PEX6: variants seen among roughly 807,000 people sequenced by gnomAD.
PEX6 encodes peroxisomal biogenesis factor 6.
In PEX6, 55 loss-of-function variants were observed where a neutral mutation model predicts 85.6. The ratio of observed to expected loss-of-function variants is 0.64; its 90% CI spans 0.52 to 0.80. The LOEUF (loss-of-function observed/expected upper bound fraction) is 0.80. Among genes scored for constraint, PEX6 ranks in the 30% least tolerant of loss-of-function variants. PEX6 has a pLI of 0.00. For synonymous variants in PEX6, 519 were observed against 549.1 expected (o/e 0.95, Z 0.77); for missense variants, 1,099 against 1,260.3 (o/e 0.87, Z 1.94).
intron 5 of PEX6, among the ~76,000 whole-genome samples, chr6:42,969,275 T>G (rs1769969117): frequency 6.6e-6 from 1 of 151,998 alleles, no homozygotes; most frequent in Admixed American, 6.5e-5. Flanking sequence ...TGAATGGTAT[T>G]GAGAGACATT....
rs1408987779 is a variant in PEX6, at chr6:42,964,709, C to T, written c.2806+81G>A. ...GGCTCAAGCGATCCTCCCACCTCAG[C>T]CTCTCAAGTAGCTGGGACTCAGGTG... On this transcript the variant is annotated intron_variant, in intron 16 of 16. Coordinates refer to ENST00000304611, the MANE Select transcript of PEX6 (RefSeq NM_000287.4). The surrounding 1 kb of genome is among the most constrained non-coding windows in gnomAD (Gnocchi z 4.6). 6.4e-7 allele frequency: 1 copy of T among 1,568,392 alleles called. No individual in the cohort carries two copies. Among genetic ancestry groups the T allele is most frequent in the Non-Finnish European group, 8.8e-7 (1 of 1,140,094 alleles).
chr6:42,968,949 T>C lies in PEX6; in HGVS notation c.1404A>G (p.Leu468=), dbSNP rs1486160310. The part of the protein sequence containing the change: ...ALLTGTSSVL[L]RGPPGCGKTT... ...TCTTCCCACAGCCTGGGGGGCCCCG[T>C]AGAAGGACACTGCTAGTTCCTGTCA... The change falls in exon 6 of 17, where the codon CTA becomes CTG. Residue 468 remains leucine (L), a synonymous_variant. Transcript: ENST00000304611. 1.2e-6 allele frequency: 2 copies of C among 1,613,838 alleles called. No individual in the cohort carries two copies. Among genetic ancestry groups the C allele is most frequent in the East Asian group, 2.2e-5 (1 of 44,878 alleles).
At chr6:42,974,174 T>TCAAGAAGTAGTCTGC in intron 2 of PEX6, 88 bp from the exon 3 acceptor site, 1 of 1,004,336 alleles carries the variant, frequency 1.0e-6, no homozygotes, top group Non-Finnish European at 1.6e-6. Context: ...ACATGCAGAC[T>TCAAGAAGTAGTCTGC]ACTTCTTGAG....
rs977542433 is a variant in PEX6, at chr6:42,974,894, G to A, written c.1027C>T (p.Arg343Trp). The change falls in exon 2 of 17, where the codon CGG (arginine) becomes TGG (tryptophan). Residue 343 changes from arginine (R) to tryptophan (W), a missense_variant. Arg to Trp is a moderately radical substitution (Grantham distance 101, BLOSUM62 -3). This residue lies in a region of PEX6 where 579 missense variants were observed against 611.6 expected (regional missense o/e 0.95). Coordinates refer to ENST00000304611, the MANE Select transcript of PEX6 (RefSeq NM_000287.4). ...TNGNYDGVLY[R>W]HFQIPRVVQE... Reference sequence around the variant, plus strand: ...GCTAACCTGGGTATCTGAAAGTGCCGGTAAAGAACACCGTCATAATTTCCA... The same window carrying A: ...GCTAACCTGGGTATCTGAAAGTGCCAGTAAAGAACACCGTCATAATTTCCA... 1.1e-5 allele frequency: 17 copies of A among 1,613,980 alleles called. No homozygotes were observed. Among genetic ancestry groups the A allele is most frequent in the East Asian group, 4.5e-5 (2 of 44,884 alleles).
chr6:42,966,646 C>G lies in PEX6; in HGVS notation c.1973G>C (p.Gly658Ala). 6.2e-7 allele frequency: 1 copy of G among 1,614,164 alleles called. No homozygotes were observed. Among genetic ancestry groups the G allele is most frequent in the African/African-American group, 1.3e-5 (1 of 75,028 alleles). The change falls in exon 10 of 17, where the codon GGC becomes GCC. Residue 658 changes from glycine (G) to alanine (A), a missense_variant. Gly to Ala is a moderately conservative substitution (Grantham distance 60, BLOSUM62 0). Coordinates refer to ENST00000304611, the MANE Select transcript of PEX6 (RefSeq NM_000287.4). ...CTCCCCCTCATCCTCCTCAGTCAAG[C>G]CACCTGCCAAACTGCAAAGAGGAAC... Reference protein sequence around the residue: ...TRIKNSGLAGGLTEEDEGELC... With the variant: ...TRIKNSGLAGALTEEDEGELC...
rs761325258 is a variant in PEX6, at chr6:42,970,006, A to G, written c.1131-19T>C. On this transcript the variant is annotated intron_variant, in intron 3 of 16. Transcript: ENST00000304611. ...CCGCCACCTGCAGGAAAAAGGCCCA[A>G]TGAACCCCAGATCCAGAGTCCAAAA... 2 of 1,602,162 alleles carry G rather than the reference A, an allele frequency of 1.2e-6. No individual in the cohort carries two copies. Among genetic ancestry groups the G allele is most frequent in the East Asian group, 4.5e-5 (2 of 44,822 alleles).
Position 42,969,992 on chromosome 6 carries a change from A to G in PEX6, c.1131-5T>C, listed in dbSNP as rs1271189797. Reference sequence around the variant, plus strand: ...TTAAAAAACATTTCCCGCCACCTGCAGGAAAAAGGCCCAATGAACCCCAGA... The same window carrying G: ...TTAAAAAACATTTCCCGCCACCTGCGGGAAAAAGGCCCAATGAACCCCAGA... On this transcript the variant is annotated splice_region_variant and splice_polypyrimidine_tract_variant and intron_variant, in intron 3 of 16. Coordinates refer to ENST00000304611, the MANE Select transcript of PEX6 (RefSeq NM_000287.4). The G allele has an allele frequency of 1.2e-6, 2 of 1,612,920 alleles. No individual in the cohort carries two copies.
At chr6:42,976,559 C>T (rs1030293806) in intron 1 of PEX6, among the ~76,000 whole-genome samples, 1 of 152,022 alleles carries the variant, frequency 6.6e-6, no homozygotes, top group Non-Finnish European at 1.5e-5. Flanking sequence ...GATGAGGTTT[C>T]ACCATGTAGG....
chr6:42,977,231 C>T (rs1354102819), intron 1 of PEX6, among the ~76,000 whole-genome samples: 1 of 148,090 alleles, frequency 6.8e-6, no homozygotes, highest in Non-Finnish European at 1.5e-5. Context: ...AGTAGATTAA[C>T]ATACACATCT....
Position 42,971,961 on chromosome 6 carries a change from T to C in PEX6, c.1131-1974A>G, listed in dbSNP as rs915259311. ...GTGACTGCTAAGTGCCAGCCTGGCA[T>C]TTTCCACCAGACTCGTGGACTTAAT... On this transcript the variant is annotated intron_variant, in intron 3 of 16. Coordinates refer to ENST00000304611, the MANE Select transcript of PEX6 (RefSeq NM_000287.4). This position sits in a 1 kb window ranked among gnomAD's most constrained non-coding sequence, Gnocchi z 4.4. Among the ~76,000 whole-genome samples the C allele has an allele frequency of 3.3e-5, 5 of 152,188 alleles. No individual in the cohort carries two copies. The highest frequency in any genetic ancestry group is 1.2e-4 in the African/African-American group (5 of 41,448).
At chr6:42,970,032 A>G in intron 3 of PEX6, 45 bp from the exon 4 acceptor site, 2 of 1,469,836 alleles carry the variant, frequency 1.4e-6, no homozygotes, top group Non-Finnish European at 1.9e-6. Flanking sequence ...GAGTCCAAAA[A>G]CCCCCCTCCT....
chr6:42,967,499 T>C lies in PEX6; in HGVS notation c.1753A>G (p.Thr585Ala). 1.2e-6 allele frequency: 2 copies of C among 1,610,124 alleles called. No homozygotes were observed. Among genetic ancestry groups the C allele is most frequent in the Non-Finnish European group, 1.7e-6 (2 of 1,178,560 alleles). ...ACCTCGAGCTCATGAGGAAATGCTG[T>C]CTGCACATCAGCAGGCAGGTCCTGG... ...RAQDLPADVQ[T>A]AFPHELEVPA... The change falls in exon 8 of 17, where the codon ACA (threonine) becomes GCA (alanine). Residue 585 changes from threonine to alanine, a missense_variant. By Grantham distance (58) the Thr-to-Ala change is moderately conservative. This residue lies in a region of PEX6 where 514 missense variants were observed against 627.0 expected (regional missense o/e 0.82). Transcript: ENST00000304611.
chr6:42,965,132 A>G lies in PEX6; in HGVS notation c.2609T>C (p.Val870Ala). The G allele has an allele frequency of 6.2e-7, 1 of 1,614,184 alleles. No homozygotes were observed. The highest frequency in any genetic ancestry group is 8.5e-7 in the Non-Finnish European group (1 of 1,180,034). ...RPGRFDKLVFVGANEDRASQL... is the reference protein window; with the variant it reads ...RPGRFDKLVFAGANEDRASQL... The stretch of plus-strand genomic sequence containing the variant: ...GGAGGCCCGGTCCTCATTTGCCCCC[A>G]CAAACACCAGCTTGTCAAATCTTTA... Residue 870 changes from valine (V) to alanine (A), a missense_variant, in exon 15 of 17, where the codon GTG becomes GCG. Physicochemically the swap from Val to Ala is moderately conservative, Grantham distance 64 (BLOSUM62 0). Transcript: ENST00000304611. This position sits in a 1 kb window ranked among gnomAD's most constrained non-coding sequence, Gnocchi z 5.0.
chr6:42,966,960 G>GTTTT, intron 8 of PEX6, 102 bp from the exon 9 acceptor site: 2 of 706,092 alleles, frequency 2.8e-6, no homozygotes, highest in Non-Finnish European at 4.8e-6. Context: ...GATGCCTTAG[G>GTTTT]TTTGTTGTTT....
intron 8 of PEX6, 111 bp from the exon 9 acceptor site, chr6:42,966,969 T>TTG (rs2114241423): frequency 1.4e-5 from 2 of 142,852 alleles, no homozygotes; most frequent in Non-Finnish European, 1.4e-5. Flanking sequence ...GGTTTGTTGT[T>TTG]TTTTTTTTTT....
chr6:42,974,082 C>A lies in PEX6; in HGVS notation c.1051G>T (p.Val351Phe), dbSNP rs1770168066. The A allele has an allele frequency of 6.2e-7, 1 of 1,613,416 alleles. No individual in the cohort carries two copies. Among genetic ancestry groups the A allele is most frequent in the South Asian group, 1.1e-5 (1 of 91,070 alleles). ...LYRHFQIPRV[V>F]QEGDVLCVPT... ...ACACATAGAACATCCCCTTCCTGGA[C>A]TACCCTGCAACACAGCAGTGGCCCT... Residue 351 changes from valine (V) to phenylalanine (F), a missense_variant, in exon 3 of 17, where the codon GTC (valine) becomes TTC (phenylalanine). Physicochemically the swap from Val to Phe is conservative, Grantham distance 50. Coordinates refer to ENST00000304611, the MANE Select transcript of PEX6 (RefSeq NM_000287.4).
Position 42,965,254 on chromosome 6 carries a change from G to A in PEX6, c.2586C>T (p.Gly862=). 6.2e-7 allele frequency: 1 copy of A among 1,613,268 alleles called. No homozygotes were observed. Among genetic ancestry groups the A allele is most frequent in the Non-Finnish European group, 8.5e-7 (1 of 1,179,176 alleles). ...DLLDPALLRP[G]RFDKLVFVGA... ...GATGAGCAGTACAAGGGGCCCACCT[G>A]CCAGGCCGCAGAAGGGCAGGGTCCA... Residue 862 remains glycine, a splice_region_variant and synonymous_variant, in exon 14 of 17, where the codon GGC becomes GGT. Coordinates refer to ENST00000304611, the MANE Select transcript of PEX6 (RefSeq NM_000287.4). The surrounding 1 kb of genome is among the most constrained non-coding windows in gnomAD (Gnocchi z 5.0).
Position 42,966,578 on chromosome 6 carries a change from GC to G in PEX6, c.2040del (p.Gln681ArgfsTer33). On this transcript the variant is annotated frameshift_variant, in exon 10 of 17. Transcript: ENST00000304611. LOFTEE classifies it high-confidence loss of function. Reference sequence around the variant, plus strand: ...GCTGTCTGCAGTTGCTCCAGTGCCTGCCCAAAGTCCTCAGCCAGGAGAGGAA... The same window carrying G: ...GCTGTCTGCAGTTGCTCCAGTGCCTGCCAAAGTCCTCAGCCAGGAGAGGAA... ...AGFPLLAEDF[G>X]QALEQLQTAH... The G allele has an allele frequency of 1.2e-6, 2 of 1,614,164 alleles. No homozygotes were observed. The highest frequency in any genetic ancestry group is 1.7e-6 in the Non-Finnish European group (2 of 1,180,020).
At position 42,964,122 on chromosome 6, in the gene PEX6, C is replaced by T. The variant is rs1439247572; in HGVS notation, c.*213G>A. The T allele has an allele frequency of 1.8e-5, 11 of 610,850 alleles. No individual in the cohort carries two copies. Among genetic ancestry groups the T allele is most frequent in the Non-Finnish European group, 2.9e-5 (10 of 346,216 alleles). The allele number at this position is 610,850 out of a possible 1,614,324, so 37.8% of individuals were successfully genotyped here. A position where few individuals can be genotyped will look rare whatever the true frequency, so the allele number is the denominator to read the frequency against. ...AGTAGATGGGCCTTTCTCTTAGAGC[C>T]GGCCTGGAAGGAGGGGCAAGTAGGC... On this transcript the variant is annotated 3_prime_UTR_variant, in exon 17 of 17. Transcript: ENST00000304611. The surrounding 1 kb of genome is among the most constrained non-coding windows in gnomAD (Gnocchi z 4.6).
Sources: allele counts gnomAD v4.1 joint callset (sites outside exome capture counted in the v4.1 genomes callset), GRCh38; gene constraint gnomAD v4.1.1; regional missense constraint gnomAD v4.1.1; non-coding constraint Gnocchi (gnomAD v3.1); transcripts MANE v1.5; gene names NCBI Gene and HGNC (gene_info 2026-07-23, HGNC 2026-07-21).